Variants in ARL6 observed in about 807,000 individuals in gnomAD.
ARL6 encodes ADP-ribosylation factor-like protein 6.
In ARL6, 18 loss-of-function variants were observed where a neutral mutation model predicts 27.1. That is an observed-to-expected ratio of 0.66 (90% CI 0.46 to 0.98). The LOEUF is 0.98. ARL6 is among the 50% of genes least tolerant of loss of function. The probability of loss-of-function intolerance (pLI) is 0.00; values close to 1 mark genes in which losing one functional copy is unlikely to be tolerated. For synonymous variants in ARL6, 65 were observed against 72.3 expected (o/e 0.90, Z 0.51); for missense variants, 187 against 214.9 (o/e 0.87, Z 0.81).
intron 2 of ARL6, among the ~76,000 whole-genome samples, chr3:97,778,367 A>G (rs1389962277): frequency 6.6e-6 from 1 of 152,196 alleles, no homozygotes; most frequent in African/African-American, 2.4e-5. Context: ...TCAGAAAGGC[A>G]AAACAAGGGC....
At chr3:97,780,466 CATTT>C (rs1293066454) in intron 3 of ARL6, 145 bp from the exon 4 acceptor site, 2 of 738,614 alleles carry the variant, frequency 2.7e-6, no homozygotes, top group Non-Finnish European at 2.3e-6. Flanking sequence ...TATATTAATA[CATTT>C]ATTTCATAGA....
At chr3:97,781,600 G>A (rs2037204354) in intron 4 of ARL6, among the ~76,000 whole-genome samples, 1 of 152,034 alleles carries the variant, frequency 6.6e-6, no homozygotes, top group African/African-American at 2.4e-5. Context: ...TGCAGATTTT[G>A]GTATTTGAAG....
chr3:97,785,756 C>T (rs920330517), intron 5 of ARL6, among the ~76,000 whole-genome samples: 3 of 152,080 alleles, frequency 2.0e-5, no homozygotes, highest in African/African-American at 7.2e-5. Flanking sequence ...TCCTCCCGCC[C>T]AAGCCCCCAC....
At chr3:97,787,197 G>A (rs2037500083) in intron 5 of ARL6, among the ~76,000 whole-genome samples, 1 of 152,136 alleles carries the variant, frequency 6.6e-6, no homozygotes, top group African/African-American at 2.4e-5. Flanking sequence ...AGTACTAAAA[G>A]AAGAAATATT....
chr3:97,797,124 A>G (rs1250018982), intron 7 of ARL6, among the ~76,000 whole-genome samples: 1 of 152,198 alleles, frequency 6.6e-6, no homozygotes. Flanking sequence ...GATAAGGAAG[A>G]TATTGTAACA....
intron 2 of ARL6, among the ~76,000 whole-genome samples, chr3:97,768,939 C>T (rs2107982129): frequency 6.6e-6 from 1 of 152,088 alleles, no homozygotes; most frequent in East Asian, 1.9e-4. Flanking sequence ...ACCTCTGTCA[C>T]TCAGTTATAG....
rs2108122001 is a variant in ARL6, at chr3:97,799,593, TCCTC to T, written c.*1545_*1548del. 6.6e-6 allele frequency: 1 copy of T among 152,242 alleles called. No homozygotes were observed. Among genetic ancestry groups the T allele is most frequent in the African/African-American group, 2.4e-5 (1 of 41,580 alleles). 9.4% of individuals were successfully genotyped at this position (152,242 alleles called of 1,614,324 possible). A position where few individuals can be genotyped will look rare whatever the true frequency, so the allele number is the denominator to read the frequency against. On this transcript the variant is annotated 3_prime_UTR_variant, in exon 8 of 8. Transcript: ENST00000463745. Reference sequence around the variant, plus strand: ...AGAAAGAATTGATTGAGAATTCAAATCCTCACTCACTTACCATAAGGTAGTAATA... The same window carrying T: ...AGAAAGAATTGATTGAGAATTCAAATACTCACTTACCATAAGGTAGTAATA...
In ARL6 at chr3:97,765,249, T is replaced by A. The variant is rs568239616; in HGVS notation, c.-28+272T>A. On this transcript the variant is annotated intron_variant, in intron 1 of 7. Transcript: ENST00000463745. ...GTGTGTGTGTGTGTGTGTGTGTGTG[T>A]GTAAGTGTAATTTAAATTATATCAT... 9.5e-4 allele frequency among the ~76,000 whole-genome samples: 140 copies of A among 148,014 alleles called. No individual in the cohort carries two copies. The highest frequency in any genetic ancestry group is 1.3e-3 in the Non-Finnish European group (86 of 67,060).
rs556000241 is a variant in ARL6 at position 97,766,328 on chromosome 3, G to T, written c.-28+1351G>T. 2.6e-5 allele frequency among the ~76,000 whole-genome samples: 4 copies of T among 152,266 alleles called. 1 individual carries two copies. The South Asian group carries it at 8.3e-4, about 32-fold the overall frequency. ...TGTGAATTGCTTCATGACATCAGAA[G>T]GTTAATTTAAAATAGATTTTACAAA... On this transcript the variant is annotated intron_variant, in intron 1 of 7. Coordinates refer to ENST00000463745, the MANE Select transcript of ARL6 (RefSeq NM_001278293.3).
At chr3:97,795,643 G>A (rs1247029933) in intron 7 of ARL6, among the ~76,000 whole-genome samples, 2 of 152,132 alleles carry the variant, frequency 1.3e-5, no homozygotes, top group African/African-American at 4.8e-5. Context: ...AACTACCAGT[G>A]GGGAAAGCTG....
chr3:97,800,934 G>A lies in ARL6; in HGVS notation c.*2885G>A, dbSNP rs1351267846. 1 of 152,090 alleles carries A rather than the reference G, an allele frequency of 6.6e-6. No individual in the cohort carries two copies. The highest frequency in any genetic ancestry group is 2.4e-5 in the African/African-American group (1 of 41,414). 9.4% of individuals were successfully genotyped at this position (152,090 alleles called of 1,614,324 possible). A position where few individuals can be genotyped will look rare whatever the true frequency, so the allele number is the denominator to read the frequency against. ...CATGAATCCCATTACATCTTCACAT[G>A]GCTCCTCCCAAAGACCCCACCTCCT... On this transcript the variant is annotated 3_prime_UTR_variant, in exon 8 of 8. Transcript: ENST00000463745.
chr3:97,779,365 A>G (rs1422675661), intron 2 of ARL6, among the ~76,000 whole-genome samples: 2 of 152,114 alleles, frequency 1.3e-5, no homozygotes, highest in African/African-American at 4.8e-5. Flanking sequence ...GCCCCTACTC[A>G]GAGAGACCAT....
rs1330149003 is a variant in ARL6, at chr3:97,798,146, A to T, written c.*97A>T. On this transcript the variant is annotated 3_prime_UTR_variant, in exon 8 of 8. Coordinates refer to ENST00000463745, the MANE Select transcript of ARL6 (RefSeq NM_001278293.3). ...GTAAAAGATGTTTATGCATCAAAAAATATAATTTTCTGCTTGCATTTATGG... is the reference window on the plus strand; with the variant it reads ...GTAAAAGATGTTTATGCATCAAAAATTATAATTTTCTGCTTGCATTTATGG... 3 of 1,289,514 alleles carry T rather than the reference A, an allele frequency of 2.3e-6. No individual in the cohort carries two copies. The highest frequency in any genetic ancestry group is 3.4e-6 in the Non-Finnish European group (3 of 893,346). 79.9% of individuals were successfully genotyped at this position (1,289,514 alleles called of 1,614,324 possible). A position where few individuals can be genotyped will look rare whatever the true frequency, so the allele number is the denominator to read the frequency against.
intron 5 of ARL6, among the ~76,000 whole-genome samples, chr3:97,785,764 C>T (rs1339049996): frequency 6.6e-6 from 1 of 152,106 alleles, no homozygotes; most frequent in African/African-American, 2.4e-5. Context: ...CCCAAGCCCC[C>T]ACTACAAACA....
At chr3:97,789,851 T>TGTCTCCTGCCTTGGGTACAA in intron 6 of ARL6, among the ~76,000 whole-genome samples, 1 of 152,164 alleles carries the variant, frequency 6.6e-6, no homozygotes, top group Non-Finnish European at 1.5e-5. Flanking sequence ...AAATATTATC[T>TGTCTCCTGCCTTGGGTACAA]GTCTCCTGCC....
intron 2 of ARL6, among the ~76,000 whole-genome samples, chr3:97,769,309 A>G (rs1330144765): frequency 1.3e-5 from 2 of 152,076 alleles, no homozygotes; most frequent in African/African-American, 4.8e-5. Flanking sequence ...TCAAGAATCT[A>G]GTCTTAGCTG....
At position 97,784,480 on chromosome 3, in the gene ARL6, TA is replaced by T. The variant is rs148371215; in HGVS notation, c.255-461del. On this transcript the variant is annotated intron_variant, in intron 4 of 7. Coordinates refer to ENST00000463745, the MANE Select transcript of ARL6 (RefSeq NM_001278293.3). ...AAAAGTAGTAGTAAAACCATAGTAGTAAAAAAAAAAAAAATCAAGGAAATTT... is the reference window on the plus strand; with the variant it reads ...AAAAGTAGTAGTAAAACCATAGTAGTAAAAAAAAAAAAATCAAGGAAATTT... 4.6e-3 allele frequency among the ~76,000 whole-genome samples: 640 copies of T among 140,416 alleles called. 2 individuals are homozygous for T. The highest frequency in any genetic ancestry group is 0.013 in the Middle Eastern group (3 of 230). 92.1% of individuals were successfully genotyped at this position (140,416 alleles called of 152,430 possible).
chr3:97,777,777 T>C (rs1053125838), intron 2 of ARL6, among the ~76,000 whole-genome samples: 39 of 152,348 alleles, frequency 2.6e-4, no homozygotes, highest in Non-Finnish European at 1.5e-4. Context: ...CACTTCAGTC[T>C]GGAAGCAATT....
At chr3:97,792,661 C>A (rs1178953700) in intron 7 of ARL6, among the ~76,000 whole-genome samples, 1 of 152,088 alleles carries the variant, frequency 6.6e-6, no homozygotes, top group African/African-American at 2.4e-5. Flanking sequence ...TTGGTACAGG[C>A]TTACTATATT....
Sources: allele counts gnomAD v4.1 joint callset (sites outside exome capture counted in the v4.1 genomes callset), GRCh38; gene constraint gnomAD v4.1.1; transcripts MANE v1.5; gene names NCBI Gene and HGNC (gene_info 2026-07-23, HGNC 2026-07-21).